STYX: variants seen among roughly 807,000 people sequenced by gnomAD.
STYX encodes the protein serine/threonine/tyrosine interacting protein, also known as serine/threonine/tyrosine-interacting protein.
A neutral mutation model predicts 42.7 loss-of-function variants in STYX; 20 were observed. The observed-to-expected ratio is 0.47, with a 90% CI of 0.33 to 0.68. The LOEUF is 0.68. Among genes scored for constraint, STYX ranks in the 30% least tolerant of loss-of-function variants. The pLI is 0.02. For synonymous variants in STYX, 78 were observed against 81.9 expected (o/e 0.95, Z 0.26); for missense variants, 226 against 268.5 (o/e 0.84, Z 1.11).
Position 52,771,440 on chromosome 14 carries a change from T to C in STYX, c.*334T>C, listed in dbSNP as rs556229553. ...ATACTTGAAATTTATTTGTATGATATAAAGTTATTACTTTAAACAAAATGC... is the reference window on the plus strand; with the variant it reads ...ATACTTGAAATTTATTTGTATGATACAAAGTTATTACTTTAAACAAAATGC... On this transcript the variant is annotated 3_prime_UTR_variant, in exon 11 of 11. Coordinates refer to ENST00000354586, the MANE Select transcript of STYX (RefSeq NM_145251.4). 4 of 183,040 alleles carry C rather than the reference T, an allele frequency of 2.2e-5. No individual in the cohort carries two copies. In the East Asian group the frequency reaches 5.5e-4, roughly 25 times the overall value. 11.3% of individuals were successfully genotyped at this position (183,040 alleles called of 1,614,324 possible).
rs926474522 is a variant in STYX, at chr14:52,772,273, G to A, written c.*1167G>A. 2.7e-5 allele frequency: 4 copies of A among 149,972 alleles called. No homozygotes were observed. The highest frequency in any genetic ancestry group is 6.7e-5 in the Admixed American group (1 of 14,874). 9.3% of individuals were successfully genotyped at this position (149,972 alleles called of 1,614,324 possible). On this transcript the variant is annotated 3_prime_UTR_variant, in exon 11 of 11. Transcript: ENST00000354586. The stretch of plus-strand genomic sequence containing the variant: ...CTTAATGATTCTGTGAGATTGTTCC[G>A]GCTCAAACAGAAGCTTTTCTTTGGG...
intron 1 of STYX, among the ~76,000 whole-genome samples, chr14:52,741,402 G>T (rs941055385): frequency 2.6e-5 from 4 of 151,910 alleles, no homozygotes; most frequent in Non-Finnish European, 4.4e-5. Context: ...CATTCTAATG[G>T]TAGGTAATGA....
At chr14:52,755,057 T>G (rs1881795856) in intron 4 of STYX, among the ~76,000 whole-genome samples, 1 of 152,142 alleles carries the variant, frequency 6.6e-6, no homozygotes, top group Admixed American at 6.5e-5. Context: ...CCTTGTAGGT[T>G]AAATATTGGA....
chr14:52,736,605 A>C (rs1379681845), intron 1 of STYX, among the ~76,000 whole-genome samples: 1 of 152,210 alleles, frequency 6.6e-6, no homozygotes, highest in African/African-American at 2.4e-5. Flanking sequence ...GTACAGGATC[A>C]AAGATAGGAA....
At chr14:52,733,553 G>A (rs1402363523) in intron 1 of STYX, among the ~76,000 whole-genome samples, 1 of 152,158 alleles carries the variant, frequency 6.6e-6, no homozygotes, top group Non-Finnish European at 1.5e-5. Flanking sequence ...CTGACTGACT[G>A]TAAATCAGGG....
intron 1 of STYX, among the ~76,000 whole-genome samples, chr14:52,737,580 C>T (rs1447724063): frequency 2.0e-5 from 3 of 152,160 alleles, no homozygotes; most frequent in African/African-American, 4.8e-5. Flanking sequence ...TAAAATAGAT[C>T]ATTGCTGGTG....
At chr14:52,764,666 CTTT>C (rs58502916) in intron 9 of STYX, among the ~76,000 whole-genome samples, 1 of 99,012 alleles carries the variant, frequency 1.0e-5, no homozygotes. Context: ...TTTACTTTTC[CTTT>C]TTTTTTTTTT....
rs142688428 is a variant in STYX at position 52,750,885 on chromosome 14, A to G, written c.242+105A>G. 215 of 580,296 alleles carry G rather than the reference A, an allele frequency of 3.7e-4. 2 individuals are homozygous for G. In the African/African-American group the frequency reaches 3.8e-3, roughly 10 times the overall value. 35.9% of individuals were successfully genotyped at this position (580,296 alleles called of 1,614,324 possible). ...TATCTAGTTTGTAAAAATGGGTCAT[A>G]TAGTACATAGTTTTTTAAAATAAAT... On this transcript the variant is annotated intron_variant, in intron 4 of 10. Transcript: ENST00000354586.
chr14:52,764,308 C>T (rs1594881878), intron 9 of STYX, among the ~76,000 whole-genome samples: 1 of 152,028 alleles, frequency 6.6e-6, no homozygotes, highest in African/African-American at 2.4e-5. Flanking sequence ...GGTTATTTTA[C>T]CTTGCAGTTA....
chr14:52,739,335 T>A (rs1881091008), intron 1 of STYX, among the ~76,000 whole-genome samples: 2 of 152,152 alleles, frequency 1.3e-5, no homozygotes, highest in African/African-American at 4.8e-5. Flanking sequence ...TTTCTTTAAT[T>A]ACACAAAATT....
intron 4 of STYX, among the ~76,000 whole-genome samples, chr14:52,755,581 G>A (rs778528579): frequency 6.6e-6 from 1 of 151,974 alleles, no homozygotes; most frequent in Non-Finnish European, 1.5e-5. Flanking sequence ...TCTTAGAAAC[G>A]CTTAGAAATG....
At position 52,759,696 on chromosome 14, in the gene STYX, A is replaced by G. The variant is rs1394950216; in HGVS notation, c.446A>G (p.Tyr149Cys). 2 of 1,607,868 alleles carry G rather than the reference A, an allele frequency of 1.2e-6. No individual in the cohort carries two copies. Among genetic ancestry groups the G allele is most frequent in the Non-Finnish European group, 1.7e-6 (2 of 1,176,220 alleles). ...TCTGTTTTCAGAGATGCTTTTGCTT[A>G]TGTTCAAGAAAGAAGATTTTGTATT... Reference protein sequence around the residue: ...FGMKYRDAFAYVQERRFCINP... With the variant: ...FGMKYRDAFACVQERRFCINP... The change falls in exon 9 of 11, where the codon TAT becomes TGT. Residue 149 changes from tyrosine (Y) to cysteine (C), a missense_variant. Transcript: ENST00000354586.
At chr14:52,743,693 AAAAT>A (rs976971144) in intron 1 of STYX, among the ~76,000 whole-genome samples, 19 of 152,212 alleles carry the variant, frequency 1.2e-4, no homozygotes, top group African/African-American at 3.9e-4. Context: ...AAATTGTTTC[AAAAT>A]AAAAGGTTAA....
chr14:52,772,133 T>A lies in STYX; in HGVS notation c.*1027T>A, dbSNP rs955443698. 2 of 152,268 alleles carry A rather than the reference T, an allele frequency of 1.3e-5. No individual in the cohort carries two copies. Among genetic ancestry groups the A allele is most frequent in the African/African-American group, 4.8e-5 (2 of 41,474 alleles). The allele number at this position is 152,268 out of a possible 1,614,324, so 9.4% of individuals were successfully genotyped here. A position where few individuals can be genotyped will look rare whatever the true frequency, so the allele number is the denominator to read the frequency against. On this transcript the variant is annotated 3_prime_UTR_variant, in exon 11 of 11. Transcript: ENST00000354586. Reference sequence around the variant, plus strand: ...CACTGAAAAGTTCTTAACATTTTTGTGTAATTTCCTTTCTTTTTAAACCAT... The same window carrying A: ...CACTGAAAAGTTCTTAACATTTTTGAGTAATTTCCTTTCTTTTTAAACCAT...
Position 52,730,218 on chromosome 14 carries a change from G to C in STYX, c.-257G>C. On this transcript the variant is annotated 5_prime_UTR_variant, in exon 1 of 11. Coordinates refer to ENST00000354586, the MANE Select transcript of STYX (RefSeq NM_145251.4). ...TCCTGGGCGGCCTGAGGGGTACGGA[G>C]ACTCTGGGGGAGGGAGACGGCAGCG... is the stretch of plus-strand genomic sequence containing the variant. 1.8e-6 allele frequency: 1 copy of C among 545,688 alleles called. No homozygotes were observed. The highest frequency in any genetic ancestry group is 3.3e-6 in the Non-Finnish European group (1 of 305,066). 33.8% of individuals were successfully genotyped at this position (545,688 alleles called of 1,614,324 possible).
intron 8 of STYX, 90 bp from the exon 9 acceptor site, chr14:52,759,592 A>G (rs1228719930): frequency 3.5e-6 from 3 of 859,864 alleles, no homozygotes; most frequent in South Asian, 3.0e-5. Flanking sequence ...TTCCATTACA[A>G]CTCATTACCC....
At position 52,757,929 on chromosome 14, in the gene STYX, G is replaced by A; in HGVS notation, c.431+5G>A. The A allele has an allele frequency of 6.2e-7, 1 of 1,610,866 alleles. No homozygotes were observed. Among genetic ancestry groups the A allele is most frequent in the African/African-American group, 1.3e-5 (1 of 74,962 alleles). On this transcript the variant is annotated splice_donor_5th_base_variant and intron_variant, in intron 8 of 10. Coordinates refer to ENST00000354586, the MANE Select transcript of STYX (RefSeq NM_145251.4). ...AACATTTGGAATGAAGTACAGGTAA[G>A]AAAATACCCTAAAACCTAGCCACAG...
chr14:52,764,809 C>T lies in STYX; in HGVS notation c.505-4031C>T, dbSNP rs548858843. 4.6e-5 allele frequency among the ~76,000 whole-genome samples: 7 copies of T among 151,720 alleles called. No individual in the cohort carries two copies. The East Asian group carries it at 1.2e-3, about 25-fold the overall frequency. On this transcript the variant is annotated intron_variant, in intron 9 of 10. Coordinates refer to ENST00000354586, the MANE Select transcript of STYX (RefSeq NM_145251.4). The stretch of plus-strand genomic sequence containing the variant: ...TCAGCCTCCCGAGTAGCTGGGATTA[C>T]AGACATATGTCACCACATCCAGCTA...
chr14:52,736,714 C>T (rs1880968353), intron 1 of STYX, among the ~76,000 whole-genome samples: 2 of 152,230 alleles, frequency 1.3e-5, no homozygotes, highest in East Asian at 1.9e-4. Flanking sequence ...TTTAAAAATA[C>T]TGATGCGTGG....
Sources: allele counts gnomAD v4.1 joint callset (sites outside exome capture counted in the v4.1 genomes callset), GRCh38; gene constraint gnomAD v4.1.1; transcripts MANE v1.5; gene names NCBI Gene and HGNC (gene_info 2026-07-23, HGNC 2026-07-21).